CR1L: variants seen among roughly 807,000 people sequenced by gnomAD.
CR1L encodes the protein complement component receptor 1-like protein.
CR1L carries 59 observed loss-of-function variants against 62.3 expected under a neutral mutation model. That is an observed-to-expected ratio of 0.95 (90% CI 0.77 to 1.18). The LOEUF is 1.18. Among genes scored for constraint, CR1L ranks in the 50% most tolerant of loss-of-function variants. CR1L has a pLI of 0.00. For missense variants in CR1L, 700 were observed against 702.8 expected (o/e 1.00, Z 0.04); for synonymous variants, 279 against 248.7 (o/e 1.12, Z -1.15).
At chr1:207,720,246 C>T (rs1461174812) in intron 11 of CR1L, among the ~76,000 whole-genome samples, 1 of 152,184 alleles carries the variant, frequency 6.6e-6, no homozygotes, top group East Asian at 1.9e-4. Context: ...AGTCTCTTTA[C>T]CCTATCTAGT....
chr1:207,696,868 T>G (rs1664107640), intron 5 of CR1L, among the ~76,000 whole-genome samples: 1 of 152,224 alleles, frequency 6.6e-6, no homozygotes, highest in African/African-American at 2.4e-5. Flanking sequence ...ACAGTAGGTC[T>G]TTTAGATTTT....
chr1:207,670,984 T>C (rs1274820509), intron 1 of CR1L, among the ~76,000 whole-genome samples: 1 of 151,102 alleles, frequency 6.6e-6, no homozygotes, highest in Non-Finnish European at 1.5e-5. Flanking sequence ...GAAAGAGCTA[T>C]GCTCCCAAGG....
chr1:207,707,809 CACACACACACAT>C (rs1163870878), intron 9 of CR1L, among the ~76,000 whole-genome samples: 3 of 151,068 alleles, frequency 2.0e-5, no homozygotes, highest in Non-Finnish European at 2.9e-5. Context: ...CACACACACA[CACACACACACAT>C]ATTAAGGGAA....
At chr1:207,712,736 A>G (rs573744753) in intron 10 of CR1L, among the ~76,000 whole-genome samples, 1 of 151,930 alleles carries the variant, frequency 6.6e-6, no homozygotes, top group African/African-American at 2.4e-5. Context: ...TGGAAGTCTT[A>G]CTCCTGTTGT....
At chr1:207,723,168 G>T (rs904657323) in intron 11 of CR1L, among the ~76,000 whole-genome samples, 6 of 151,672 alleles carry the variant, frequency 4.0e-5, no homozygotes, top group African/African-American at 1.5e-4. Context: ...GCAGTGGCTC[G>T]CGCCTGTATT....
At chr1:207,722,640 T>A (rs918895653) in intron 11 of CR1L, among the ~76,000 whole-genome samples, 2 of 152,194 alleles carry the variant, frequency 1.3e-5, no homozygotes, top group Non-Finnish European at 2.9e-5. Flanking sequence ...AAAGTACCCT[T>A]TTTTTAAATT....
intron 11 of CR1L, 108 bp downstream of exon 11, chr1:207,717,799 A>G: frequency 7.3e-7 from 1 of 1,372,258 alleles, no homozygotes; most frequent in South Asian, 1.3e-5. Context: ...GCTTTGCTGT[A>G]ACTGTCAGAG....
chr1:207,687,331 A>T (rs1663928214), intron 4 of CR1L, among the ~76,000 whole-genome samples: 1 of 152,188 alleles, frequency 6.6e-6, no homozygotes, highest in Non-Finnish European at 1.5e-5. Context: ...TTTTATTCCA[A>T]CAATTTTCTT....
chr1:207,694,438 G>T lies in CR1L; in HGVS notation c.549G>T (p.Val183=). The T allele has an allele frequency of 6.2e-7, 1 of 1,613,992 alleles. No homozygotes were observed. The highest frequency in any genetic ancestry group is 8.5e-7 in the Non-Finnish European group (1 of 1,179,890). ...SREYFHYGSV[V]TYHCNLGSRG... Reference sequence around the variant, plus strand: ...AGTATTTTCACTATGGATCAGTGGTGACCTACCACTGCAATCTTGGAAGCA... The same window carrying T: ...AGTATTTTCACTATGGATCAGTGGTTACCTACCACTGCAATCTTGGAAGCA... Residue 183 remains valine (V), a synonymous_variant, in exon 5 of 12, where the codon GTG becomes GTT. Coordinates refer to ENST00000508064, the MANE Select transcript of CR1L (RefSeq NM_175710.2).
At chr1:207,685,475 T>A (rs933873482) in intron 4 of CR1L, among the ~76,000 whole-genome samples, 1 of 152,242 alleles carries the variant, frequency 6.6e-6, no homozygotes, top group Non-Finnish European at 1.5e-5. Context: ...ATCCCTCTAC[T>A]TCGGTTTTAG....
At chr1:207,659,060 GCC>G (rs546897318) in intron 1 of CR1L, 90 of 152,862 alleles carry the variant, frequency 5.9e-4, no homozygotes, top group African/African-American at 2.1e-3. Context: ...CCCTGCCGCC[GCC>G]CCACCTCCCA....
intron 1 of CR1L, among the ~76,000 whole-genome samples, chr1:207,646,337 T>C (rs1663124534): frequency 1.3e-5 from 2 of 152,174 alleles, no homozygotes; most frequent in Non-Finnish European, 2.9e-5. Flanking sequence ...TTAATCTTGT[T>C]TTCCCCTACA....
At chr1:207,695,791 TG>T (rs1442707042) in intron 5 of CR1L, among the ~76,000 whole-genome samples, 1 of 152,170 alleles carries the variant, frequency 6.6e-6, no homozygotes, top group African/African-American at 2.4e-5. Flanking sequence ...TATTTTCATA[TG>T]GCTGGCAGGA....
At chr1:207,713,210 G>A (rs761258844) in intron 10 of CR1L, among the ~76,000 whole-genome samples, 14 of 152,164 alleles carry the variant, frequency 9.2e-5, no homozygotes, top group South Asian at 4.2e-4. Flanking sequence ...GAATGGGTAC[G>A]TATTTATTTG....
At chr1:207,685,398 T>C (rs1269655061) in intron 4 of CR1L, among the ~76,000 whole-genome samples, 2 of 152,220 alleles carry the variant, frequency 1.3e-5, no homozygotes, top group African/African-American at 4.8e-5. Context: ...ATAATTCAAG[T>C]CAGACTTCAA....
intron 4 of CR1L, among the ~76,000 whole-genome samples, chr1:207,685,745 C>T (rs1351131766): frequency 1.3e-5 from 2 of 152,114 alleles, no homozygotes; most frequent in Non-Finnish European, 2.9e-5. Context: ...ATGTTTTTCT[C>T]AAGCCTCCAG....
chr1:207,678,014 AG>A (rs1212629693), intron 2 of CR1L, among the ~76,000 whole-genome samples, 183 bp from the exon 3 acceptor site: 1 of 152,248 alleles, frequency 6.6e-6, no homozygotes, highest in African/African-American at 2.4e-5. Flanking sequence ...CTGAAAGGAA[AG>A]CTTTTTTTGA....
intron 5 of CR1L, among the ~76,000 whole-genome samples, chr1:207,695,857 A>C (rs529709638): frequency 7.9e-5 from 12 of 152,306 alleles, no homozygotes; most frequent in Admixed American, 4.6e-4. Flanking sequence ...CAAGAGAACT[A>C]TATCACAATA....
At chr1:207,680,898 T>C (rs1663784869) in intron 3 of CR1L, among the ~76,000 whole-genome samples, 1 of 152,214 alleles carries the variant, frequency 6.6e-6, no homozygotes, top group Non-Finnish European at 1.5e-5. Flanking sequence ...AATATAATCC[T>C]GCTAAAATTT....
Sources: allele counts gnomAD v4.1 joint callset (sites outside exome capture counted in the v4.1 genomes callset), GRCh38; gene constraint gnomAD v4.1.1; transcripts MANE v1.5; gene names NCBI Gene and HGNC (gene_info 2026-07-23, HGNC 2026-07-21).